Variants in ZNF700 observed in about 807,000 individuals in gnomAD.
ZNF700 encodes zinc finger protein 700.
Under a neutral mutation model 65.3 loss-of-function variants are expected in ZNF700, and 38 were observed. The observed-to-expected ratio is 0.58, with a 90% CI of 0.45 to 0.76. The LOEUF (loss-of-function observed/expected upper bound fraction) is 0.76. Among genes scored for constraint, ZNF700 ranks in the 30% least tolerant of loss-of-function variants. ZNF700 has a pLI of 0.00. For synonymous variants in ZNF700, 285 were observed against 290.4 expected, an observed-to-expected ratio of 0.98 and a Z score of 0.19; for missense variants, 857 against 888.4, an observed-to-expected ratio of 0.96 and a Z score of 0.45.
Position 11,948,918 on chromosome 19 carries a change from A to G in ZNF700, c.894A>G (p.Arg298=). 1 of 1,606,848 alleles carries G rather than the reference A, an allele frequency of 6.2e-7. No homozygotes were observed. Among genetic ancestry groups the G allele is most frequent in the Middle Eastern group, 1.7e-4 (1 of 6,042 alleles). The change falls in exon 4 of 4, where the codon AGA becomes AGG. Residue 298 remains arginine, a synonymous_variant. Transcript: ENST00000254321. ...CTAGTTCCTATCATAGACATGAAAG[A>G]AGTCACATGGGAGAGAAGCCTTATC... is the stretch of plus-strand genomic sequence containing the variant. ...HSSSSYHRHE[R]SHMGEKPYQC... is the part of the protein sequence containing the mutation.
At chr19:11,941,715 G>A (rs1021515454) in intron 1 of ZNF700, among the ~76,000 whole-genome samples, 9 of 152,292 alleles carry the variant, frequency 5.9e-5, no homozygotes, top group South Asian at 4.1e-4. Context: ...GCCGGCTCCC[G>A]CCTTGGTCAG....
chr19:11,937,913 G>A (rs1375761170), intron 1 of ZNF700, among the ~76,000 whole-genome samples: 3 of 152,090 alleles, frequency 2.0e-5, no homozygotes, highest in Admixed American at 2.0e-4. Context: ...GCAATTTTTT[G>A]AATTGCAGAT....
chr19:11,929,609 A>G (rs1396279040), intron 1 of ZNF700, among the ~76,000 whole-genome samples: 1 of 148,250 alleles, frequency 6.7e-6, no homozygotes, highest in African/African-American at 2.6e-5. Flanking sequence ...ATTCGATTTC[A>G]GGGTCCTTAG....
chr19:11,925,187 T>C lies in ZNF700; in HGVS notation c.-24T>C, dbSNP rs1371626028. The C allele has an allele frequency of 6.2e-7, 1 of 1,611,156 alleles. No homozygotes were observed. The highest frequency in any genetic ancestry group is 8.5e-7 in the Non-Finnish European group (1 of 1,178,070). On this transcript the variant is annotated 5_prime_UTR_variant, in exon 1 of 4. Coordinates refer to ENST00000254321, the MANE Select transcript of ZNF700 (RefSeq NM_144566.3). The stretch of plus-strand genomic sequence containing the variant: ...AGGGACCTGGTGCCTGTACCCAGGC[T>C]TCTGTCGCTCTGTCGCCTGCGCTAT...
chr19:11,940,574 G>A (rs754332667), intron 1 of ZNF700, among the ~76,000 whole-genome samples: 1 of 152,132 alleles, frequency 6.6e-6, no homozygotes, highest in Non-Finnish European at 1.5e-5. Flanking sequence ...TGTGGTGAGT[G>A]TTACAGCTCA....
At position 11,950,587 on chromosome 19, in the gene ZNF700, GA is replaced by G; in HGVS notation, c.*336del. 2.0e-6 allele frequency: 1 copy of G among 500,186 alleles called. No homozygotes were observed. Among genetic ancestry groups the G allele is most frequent in the Non-Finnish European group, 3.8e-6 (1 of 262,094 alleles). The allele number at this position is 500,186 out of a possible 1,614,324, so 31.0% of individuals were successfully genotyped here. ...TGTGCCTCGCACCTTCAACGGCATG[GA>G]AGGGTTCACACTTGGGAGAAACTCT... On this transcript the variant is annotated 3_prime_UTR_variant, in exon 4 of 4. Coordinates refer to ENST00000254321, the MANE Select transcript of ZNF700 (RefSeq NM_144566.3).
chr19:11,939,895 G>T (rs1260418583), intron 1 of ZNF700: 4 of 151,866 alleles, frequency 2.6e-5, no homozygotes, highest in African/African-American at 9.7e-5. Context: ...ATTGTATTTT[G>T]CTTATTGCAA....
At chr19:11,946,994 A>T in intron 1 of ZNF700, 187 bp from the exon 2 acceptor site, 1 of 1,062,896 alleles carries the variant, frequency 9.4e-7, no homozygotes, top group Non-Finnish European at 1.3e-6. Flanking sequence ...GTCTCAAAAA[A>T]TAAATAAATA....
rs1207327924 is a variant in ZNF700 at position 11,948,952 on chromosome 19, G to T, written c.928G>T (p.Glu310Ter). 6.2e-7 allele frequency: 1 copy of T among 1,608,462 alleles called. No homozygotes were observed. The highest frequency in any genetic ancestry group is 1.3e-5 in the African/African-American group (1 of 74,570). The change falls in exon 4 of 4, where the codon GAA (glutamate) becomes TAA (stop). Residue 310 changes from glutamate (E) to a stop codon, truncating the protein, a stop_gained. Coordinates refer to ENST00000254321, the MANE Select transcript of ZNF700 (RefSeq NM_144566.3). LOFTEE classifies it high-confidence loss of function. Reference protein sequence around the residue: ...HMGEKPYQCKECGKAFAYTSS... With the variant: ...HMGEKPYQCK ...GGGAGAGAAGCCTTATCAATGCAAA[G>T]AATGTGGAAAAGCATTTGCATATAC...
In ZNF700 at chr19:11,947,527, T is replaced by A. The variant is rs371404; in HGVS notation, c.204T>A (p.Ser68Arg). 44,301 of 1,611,594 alleles carry A rather than the reference T, an allele frequency of 0.027. 1,900 individuals are homozygous for A. The highest frequency in any genetic ancestry group is 0.2 in the African/African-American group (15,004 of 74,724). ...RNLTSIGKKW[S>R]DQNIEYEYQN... ...TCTGTATTTTAGGAAAAAAATGGAG[T>A]GACCAGAACATTGAATATGAGTACC... Residue 68 changes from serine (S) to arginine (R), a missense_variant, in exon 3 of 4, where the codon AGT becomes AGA. By Grantham distance (110) the Ser-to-Arg change is moderately radical. Coordinates refer to ENST00000254321, the MANE Select transcript of ZNF700 (RefSeq NM_144566.3).
chr19:11,948,807 T>C lies in ZNF700; in HGVS notation c.783T>C (p.Tyr261=), dbSNP rs1973006100. 1 of 1,609,616 alleles carries C rather than the reference T, an allele frequency of 6.2e-7. No individual in the cohort carries two copies. The highest frequency in any genetic ancestry group is 8.5e-7 in the Non-Finnish European group (1 of 1,178,756). The change falls in exon 4 of 4, where the codon TAT becomes TAC. Residue 261 remains tyrosine, a synonymous_variant. Coordinates refer to ENST00000254321, the MANE Select transcript of ZNF700 (RefSeq NM_144566.3). The part of the protein sequence containing the change: ...ECKQCGKSFT[Y]SATLQIHERT... ...AACAATGTGGTAAATCCTTTACTTA[T>C]TCTGCTACCCTTCAAATACATGAAA...
At chr19:11,947,029 T>C (rs763581992) in intron 1 of ZNF700, 152 bp from the exon 2 acceptor site, 3 of 1,274,680 alleles carry the variant, frequency 2.4e-6, no homozygotes, top group African/African-American at 1.5e-5. Context: ...TGGAAGAAAG[T>C]AAGTATAGAT....
At chr19:11,925,520 C>G (rs1271485341) in intron 1 of ZNF700, among the ~76,000 whole-genome samples, 1 of 152,166 alleles carries the variant, frequency 6.6e-6, no homozygotes, top group African/African-American at 2.4e-5. Flanking sequence ...GGAGCCCTCT[C>G]TGGGCAGTTC....
At chr19:11,946,444 C>T (rs959447518) in intron 1 of ZNF700, among the ~76,000 whole-genome samples, 14 of 152,058 alleles carry the variant, frequency 9.2e-5, no homozygotes, top group African/African-American at 3.1e-4. Context: ...CTTCCCTTGG[C>T]GGGTGGGGAG....
At chr19:11,938,960 A>T (rs553064822) in intron 1 of ZNF700, among the ~76,000 whole-genome samples, 63 of 152,178 alleles carry the variant, frequency 4.1e-4, no homozygotes, top group African/African-American at 1.5e-3. Flanking sequence ...TTTGATTTGC[A>T]TTTCTCTGAT....
chr19:11,925,971 G>C (rs2145267918), intron 1 of ZNF700, among the ~76,000 whole-genome samples: 1 of 152,324 alleles, frequency 6.6e-6, no homozygotes, highest in African/African-American at 2.4e-5. Flanking sequence ...TCCATTGGCA[G>C]AAAGGGTGGG....
intron 1 of ZNF700, among the ~76,000 whole-genome samples, chr19:11,933,596 T>A (rs1230240073): frequency 6.8e-6 from 1 of 148,118 alleles, no homozygotes; most frequent in Non-Finnish European, 1.5e-5. Context: ...TTTTGCATTT[T>A]CCAGAATATT....
In ZNF700 at chr19:11,948,904, C is replaced by T. The variant is rs752142839; in HGVS notation, c.880C>T (p.His294Tyr). ...DKAFHSSSSYHRHERSHMGEK... is the reference protein window; with the variant it reads ...DKAFHSSSSYYRHERSHMGEK... ...AGCATTTCATAGTTCTAGTTCCTAT[C>T]ATAGACATGAAAGAAGTCACATGGG... Residue 294 changes from histidine (H) to tyrosine (Y), a missense_variant, in exon 4 of 4, where the codon CAT becomes TAT. By Grantham distance (83) the His-to-Tyr change is moderately conservative. Coordinates refer to ENST00000254321, the MANE Select transcript of ZNF700 (RefSeq NM_144566.3). 6.2e-7 allele frequency: 1 copy of T among 1,605,926 alleles called. No individual in the cohort carries two copies. Among genetic ancestry groups the T allele is most frequent in the Non-Finnish European group, 8.5e-7 (1 of 1,178,270 alleles).
intron 1 of ZNF700, among the ~76,000 whole-genome samples, chr19:11,939,258 T>C (rs527442852): frequency 6.6e-5 from 10 of 152,242 alleles, no homozygotes; most frequent in African/African-American, 1.4e-4. Context: ...ATTTTGGCTT[T>C]TGTTGCCATT....
Sources: gnomAD v4.1 joint callset for allele counts (sites outside exome capture counted in the v4.1 genomes callset) on GRCh38, gnomAD v4.1.1 for gene constraint, MANE v1.5 for transcripts, NCBI Gene and HGNC (gene_info 2026-07-23, HGNC 2026-07-21) for gene names.